Variants in FBXW7 observed in about 807,000 individuals in gnomAD.
FBXW7 encodes the protein F-box/WD repeat-containing protein 7.
Under a neutral mutation model 86.3 loss-of-function variants are expected in FBXW7, and 11 were observed. That is an observed-to-expected ratio of 0.13 (90% CI 0.08 to 0.21). FBXW7 has a LOEUF of 0.21. Among genes scored for constraint, FBXW7 ranks in the 10% least tolerant of loss-of-function variants. The pLI is 1.00. For missense variants in FBXW7, 488 were observed against 847.4 expected, an observed-to-expected ratio of 0.58 and a Z score of 5.27; for synonymous variants, 313 against 297.9, an observed-to-expected ratio of 1.05 and a Z score of -0.52.
intron 2 of FBXW7, among the ~76,000 whole-genome samples, chr4:152,533,244 T>C (rs368994673): frequency 2.8e-4 from 43 of 151,976 alleles, no homozygotes; most frequent in African/African-American, 1.0e-3. Context: ...TAAAAGTAGG[T>C]CCTAAAGTTA....
At chr4:152,407,753 C>T (rs1216664850) in intron 4 of FBXW7, among the ~76,000 whole-genome samples, 1 of 152,100 alleles carries the variant, frequency 6.6e-6, no homozygotes, top group Non-Finnish European at 1.5e-5. Flanking sequence ...TATTCTGAAA[C>T]AGGGTCTTGC....
chr4:152,360,400 T>C (rs1349432091), intron 4 of FBXW7, among the ~76,000 whole-genome samples: 1 of 152,176 alleles, frequency 6.6e-6, no homozygotes, highest in Non-Finnish European at 1.5e-5. Flanking sequence ...TGAAATTGTA[T>C]ATTCCCAGAA....
chr4:152,491,398 T>C (rs1745841316), intron 2 of FBXW7, among the ~76,000 whole-genome samples: 1 of 152,072 alleles, frequency 6.6e-6, no homozygotes, highest in African/African-American at 2.4e-5. Context: ...CTTAGTCTAG[T>C]GTAGAGGTTG....
chr4:152,476,002 A>C (rs958015767), intron 2 of FBXW7, among the ~76,000 whole-genome samples: 2 of 152,198 alleles, frequency 1.3e-5, no homozygotes, highest in Non-Finnish European at 2.9e-5. Flanking sequence ...ATTTATAAAG[A>C]AAATGCAAAG....
intron 2 of FBXW7, among the ~76,000 whole-genome samples, chr4:152,448,189 G>T (rs1291640422): frequency 6.6e-6 from 1 of 152,202 alleles, no homozygotes; most frequent in African/African-American, 2.4e-5. Flanking sequence ...CCATTAGAGT[G>T]CTCCACAGCT....
At chr4:152,462,257 T>A (rs78798049) in intron 2 of FBXW7, among the ~76,000 whole-genome samples, 2,434 of 152,334 alleles carry the variant, frequency 0.016, 76 homozygotes, top group African/African-American at 0.055. Context: ...CTGTCAACAA[T>A]ATGTTCTGTG....
chr4:152,430,485 G>A (rs75375173), intron 2 of FBXW7, among the ~76,000 whole-genome samples: 2,081 of 151,620 alleles, frequency 0.014, 25 homozygotes, highest in Middle Eastern at 0.037. Context: ...CATACAGAAG[G>A]TCTTTATAAG....
chr4:152,520,418 C>T (rs990137812), intron 2 of FBXW7, among the ~76,000 whole-genome samples: 6 of 140,704 alleles, frequency 4.3e-5, no homozygotes, highest in African/African-American at 1.1e-4. Context: ...CCGGCCTGGG[C>T]GACAGAGCGA....
chr4:152,370,547 A>G (rs915757230), intron 4 of FBXW7, among the ~76,000 whole-genome samples: 1 of 151,994 alleles, frequency 6.6e-6, no homozygotes, highest in African/African-American at 2.4e-5. Flanking sequence ...TCCACTATAA[A>G]ATTAATGTTT....
rs1272934956 is a variant in FBXW7 at position 152,486,404 on chromosome 4, C to T, written c.-120+48537G>A. 2.0e-5 allele frequency among the ~76,000 whole-genome samples: 3 copies of T among 152,164 alleles called. No homozygotes were observed. In the East Asian group the frequency reaches 5.8e-4, roughly 29 times the overall value. Reference sequence around the variant, plus strand: ...TTTAGCGTAAAACTAACATATTGTACAGCTGCACAAAAATATTTTCTTTCC... The same window carrying T: ...TTTAGCGTAAAACTAACATATTGTATAGCTGCACAAAAATATTTTCTTTCC... On this transcript the variant is annotated intron_variant, in intron 2 of 13. Transcript: ENST00000281708.
chr4:152,535,454 C>G lies in FBXW7; in HGVS notation c.-540G>C. 1 of 392,360 alleles carries G rather than the reference C, an allele frequency of 2.5e-6. No individual in the cohort carries two copies. The highest frequency in any genetic ancestry group is 4.5e-6 in the Non-Finnish European group (1 of 222,426). 24.3% of individuals were successfully genotyped at this position (392,360 alleles called of 1,614,324 possible). On this transcript the variant is annotated 5_prime_UTR_variant, in exon 1 of 14. Transcript: ENST00000281708. ...GCGGCGTCGGTCCTGTTCTCTCCGC[C>G]GCCCCAGCCGCCGCTTCACATCGGG...
chr4:152,463,122 T>C (rs1373426100), intron 2 of FBXW7, among the ~76,000 whole-genome samples: 1 of 151,706 alleles, frequency 6.6e-6, no homozygotes, highest in African/African-American at 2.4e-5. Flanking sequence ...ACTCCATCTA[T>C]ACTAAAAATA....
At chr4:152,462,475 G>A (rs1258823771) in intron 2 of FBXW7, among the ~76,000 whole-genome samples, 1 of 152,202 alleles carries the variant, frequency 6.6e-6, no homozygotes, top group African/African-American at 2.4e-5. Flanking sequence ...TTTGGACAGA[G>A]TTTACACTCA....
chr4:152,351,568 C>T (rs1231221091), intron 4 of FBXW7, among the ~76,000 whole-genome samples: 1 of 152,014 alleles, frequency 6.6e-6, no homozygotes, highest in Admixed American at 6.6e-5. Flanking sequence ...TAGGTAGCCA[C>T]GTGTTTCCGT....
chr4:152,396,735 C>A (rs1736448805), intron 4 of FBXW7, among the ~76,000 whole-genome samples: 1 of 151,974 alleles, frequency 6.6e-6, no homozygotes, highest in African/African-American at 2.4e-5. Context: ...TCAAGCTCAG[C>A]CTTCAATTAC....
chr4:152,327,438 G>A (rs1310791162), intron 11 of FBXW7, among the ~76,000 whole-genome samples: 1 of 151,972 alleles, frequency 6.6e-6, no homozygotes, highest in African/African-American at 2.4e-5. Context: ...GACAAATGAG[G>A]TAGAAATCAC....
chr4:152,344,978 TA>T (rs772888394), intron 6 of FBXW7, among the ~76,000 whole-genome samples: 1 of 152,170 alleles, frequency 6.6e-6, no homozygotes, highest in East Asian at 1.9e-4. Context: ...TATTTTCTTA[TA>T]AAAATGATAT....
At chr4:152,394,593 T>A (rs1247311739) in intron 4 of FBXW7, among the ~76,000 whole-genome samples, 1 of 152,080 alleles carries the variant, frequency 6.6e-6, no homozygotes, top group Non-Finnish European at 1.5e-5. Context: ...AAGAGCATCT[T>A]TGGAACTAAA....
At chr4:152,329,888 A>T in intron 9 of FBXW7, 103 bp from the exon 10 acceptor site, 1 of 521,668 alleles carries the variant, frequency 1.9e-6, no homozygotes, top group South Asian at 4.2e-5. Context: ...AGTAATTTGT[A>T]GTCTATCTCT....
Sources: gnomAD v4.1 joint callset for allele counts (sites outside exome capture counted in the v4.1 genomes callset) on GRCh38, gnomAD v4.1.1 for gene constraint, MANE v1.5 for transcripts, NCBI Gene and HGNC (gene_info 2026-07-23, HGNC 2026-07-21) for gene names.